Variants in ITPR2 observed in about 807,000 individuals in gnomAD.
ITPR2 encodes the protein inositol 1,4,5-trisphosphate-gated calcium channel ITPR2.
ITPR2 carries 207 observed loss-of-function variants against 317.1 expected under a neutral mutation model. The observed-to-expected ratio is 0.65, with a 90% CI of 0.58 to 0.73. The LOEUF (loss-of-function observed/expected upper bound fraction) is 0.73. Among genes scored for constraint, ITPR2 ranks in the 30% least tolerant of loss-of-function variants. The pLI is 0.00. For synonymous variants in ITPR2, 1,156 were observed against 1,149.1 expected (o/e 1.01, Z -0.12); for missense variants, 2,613 against 3,284.0 (o/e 0.80, Z 4.99).
At chr12:26,728,847 T>C (rs1385752493) in intron 2 of ITPR2, among the ~76,000 whole-genome samples, 1 of 152,200 alleles carries the variant, frequency 6.6e-6, no homozygotes, top group African/African-American at 2.4e-5. Flanking sequence ...CTTTCAGCAA[T>C]AGCCTCACTA....
chr12:26,562,393 T>C (rs1045226751), intron 34 of ITPR2, among the ~76,000 whole-genome samples: 1 of 152,208 alleles, frequency 6.6e-6, no homozygotes, highest in African/African-American at 2.4e-5. Context: ...AAATAACAAG[T>C]TGAAGAGTGT....
chr12:26,660,506 A>G (rs1449565), intron 15 of ITPR2, among the ~76,000 whole-genome samples: 52,292 of 152,104 alleles, frequency 0.34, 9,814 homozygotes, highest in East Asian at 0.64. Flanking sequence ...TTTCTCTGAC[A>G]AGACAACTGA....
chr12:26,637,548 G>A (rs4142700), intron 21 of ITPR2, among the ~76,000 whole-genome samples: 21,118 of 152,110 alleles, frequency 0.14, 2,912 homozygotes, highest in East Asian at 0.55. Flanking sequence ...CTATAAAATA[G>A]GTTGGGCCTT....
chr12:26,485,629 C>A (rs1050952339), intron 41 of ITPR2, among the ~76,000 whole-genome samples: 2 of 152,238 alleles, frequency 1.3e-5, no homozygotes, highest in Non-Finnish European at 2.9e-5. Flanking sequence ...TATCCACCTT[C>A]ACTCTGGTTA....
chr12:26,523,354 A>T (rs1157973145), intron 37 of ITPR2, among the ~76,000 whole-genome samples: 1 of 152,212 alleles, frequency 6.6e-6, no homozygotes, highest in Non-Finnish European at 1.5e-5. Context: ...CTCACAACTT[A>T]GTTTTAATTT....
At chr12:26,551,489 A>T (rs942602598) in intron 36 of ITPR2, among the ~76,000 whole-genome samples, 1 of 152,204 alleles carries the variant, frequency 6.6e-6, no homozygotes, top group African/African-American at 2.4e-5. Flanking sequence ...TGGTGACAGG[A>T]CTCAGGTCAC....
intron 21 of ITPR2, among the ~76,000 whole-genome samples, chr12:26,637,676 G>A (rs986493174): frequency 1.6e-4 from 24 of 152,096 alleles, no homozygotes; most frequent in African/African-American, 5.6e-4. Flanking sequence ...GCATGCTTTC[G>A]CTACACCTCT....
intron 9 of ITPR2, 116 bp from the exon 10 acceptor site, chr12:26,695,766 GC>G (rs1948333729): frequency 1.5e-6 from 1 of 676,342 alleles, no homozygotes; most frequent in Non-Finnish European, 2.6e-6. Context: ...ATAAAAAGAT[GC>G]TAAGAAAGAA....
chr12:26,787,002 A>T lies in ITPR2; in HGVS notation c.163+3155T>A, dbSNP rs992046707. Among the ~76,000 whole-genome samples the T allele has an allele frequency of 2.7e-5, 4 of 149,862 alleles. No individual in the cohort carries two copies. The South Asian group carries it at 8.3e-4, about 31-fold the overall frequency. On this transcript the variant is annotated intron_variant, in intron 2 of 56. Coordinates refer to ENST00000381340, the MANE Select transcript of ITPR2 (RefSeq NM_002223.4). ...TGGGAGGCAAATCTACGAAACAGCAATGGCTTTTAAAGCCAAAAAAAAATG... is the reference window on the plus strand; with the variant it reads ...TGGGAGGCAAATCTACGAAACAGCATTGGCTTTTAAAGCCAAAAAAAAATG...
chr12:26,512,628 G>A lies in ITPR2; in HGVS notation c.5074-17368C>T, dbSNP rs1254455068. Among the ~76,000 whole-genome samples, 3 of 152,128 alleles carry A rather than the reference G, an allele frequency of 2.0e-5. No homozygotes were observed. The East Asian group carries it at 5.8e-4, about 29-fold the overall frequency. ...AAAGTACATCTTACACATATTGATT[G>A]ATGTCTCATGTCTCCCAAAAATGTA... On this transcript the variant is annotated intron_variant, in intron 37 of 56. Coordinates refer to ENST00000381340, the MANE Select transcript of ITPR2 (RefSeq NM_002223.4).
intron 2 of ITPR2, among the ~76,000 whole-genome samples, chr12:26,769,387 A>G (rs1949800095): frequency 6.6e-6 from 1 of 152,336 alleles, no homozygotes; most frequent in African/African-American, 2.4e-5. Flanking sequence ...ACCTGTTCAG[A>G]GAAGATCTTC....
intron 45 of ITPR2, among the ~76,000 whole-genome samples, chr12:26,458,835 G>T (rs1941948421): frequency 6.6e-6 from 1 of 152,164 alleles, no homozygotes; most frequent in African/African-American, 2.4e-5. Flanking sequence ...CTTCAGGAAG[G>T]CTGATGTGCC....
intron 39 of ITPR2, 158 bp downstream of exon 39, chr12:26,493,995 A>G: frequency 1.8e-6 from 1 of 553,498 alleles, no homozygotes; most frequent in Non-Finnish European, 3.1e-6. Context: ...TGTAGTTTCT[A>G]CAGCAAACAA....
At chr12:26,473,910 C>T (rs1942352295) in intron 45 of ITPR2, among the ~76,000 whole-genome samples, 1 of 152,178 alleles carries the variant, frequency 6.6e-6, no homozygotes. Flanking sequence ...GCTCATCTGT[C>T]TAGCTATAAG....
chr12:26,798,220 A>G (rs915339479), intron 1 of ITPR2, among the ~76,000 whole-genome samples: 2 of 152,078 alleles, frequency 1.3e-5, no homozygotes, highest in African/African-American at 4.8e-5. Flanking sequence ...AGAAGAGAAG[A>G]AAAAAACCTG....
intron 32 of ITPR2, among the ~76,000 whole-genome samples, chr12:26,583,987 T>A (rs1323713863): frequency 1.3e-5 from 2 of 152,292 alleles, no homozygotes; most frequent in Non-Finnish European, 2.9e-5. Context: ...ATTATTAAAT[T>A]GAAGCTACAT....
At chr12:26,667,365 A>C (rs1310876011) in intron 13 of ITPR2, among the ~76,000 whole-genome samples, 1 of 152,236 alleles carries the variant, frequency 6.6e-6, no homozygotes, top group Non-Finnish European at 1.5e-5. Context: ...GTATACTTCC[A>C]GGGATCATAA....
At chr12:26,617,728 G>GGA (rs1420689374) in intron 26 of ITPR2, among the ~76,000 whole-genome samples, 3,299 of 108,584 alleles carry the variant, frequency 0.03, 60 homozygotes, top group Non-Finnish European at 0.048. Context: ...AGGAGGAAGG[G>GGA]AGGGAGGGAG....
chr12:26,734,014 T>G (rs75847970), intron 2 of ITPR2, among the ~76,000 whole-genome samples: 2,067 of 152,328 alleles, frequency 0.014, 19 homozygotes, highest in Non-Finnish European at 0.02. Context: ...TATGTATAGA[T>G]GCATAATATA....
Sources: gnomAD v4.1 joint callset for allele counts (sites outside exome capture counted in the v4.1 genomes callset) on GRCh38, gnomAD v4.1.1 for gene constraint, MANE v1.5 for transcripts, NCBI Gene and HGNC (gene_info 2026-07-23, HGNC 2026-07-21) for gene names.